NEK10: variants seen among roughly 807,000 people sequenced by gnomAD.
NEK10 encodes the protein serine/threonine-protein kinase Nek10.
A neutral mutation model predicts 159.8 loss-of-function variants in NEK10; 122 were observed. The ratio of observed to expected loss-of-function variants is 0.76; its 90% confidence interval spans 0.66 to 0.89. NEK10 has a LOEUF of 0.89. Ranked by LOEUF, NEK10 falls within the 40% of genes least tolerant of loss-of-function variation. NEK10 has a pLI of 0.00. For synonymous variants in NEK10, 466 were observed against 457.1 expected (o/e 1.02, Z -0.25); for missense variants, 1,342 against 1,323.1 (o/e 1.01, Z -0.22).
At chr3:27,273,449 T>C (rs1469464758) in intron 22 of NEK10, among the ~76,000 whole-genome samples, 1 of 152,178 alleles carries the variant, frequency 6.6e-6, no homozygotes, top group African/African-American at 2.4e-5. Context: ...TTTAAGCAAG[T>C]TTTCTAAACT....
At chr3:27,164,716 A>T (rs573035532) in intron 29 of NEK10, among the ~76,000 whole-genome samples, 1 of 152,118 alleles carries the variant, frequency 6.6e-6, no homozygotes, top group Non-Finnish European at 1.5e-5. Flanking sequence ...CATTTATTAC[A>T]TTCATGCCAT....
intron 28 of NEK10, among the ~76,000 whole-genome samples, chr3:27,173,295 T>G (rs1261611163): frequency 6.6e-6 from 1 of 152,198 alleles, no homozygotes; most frequent in Non-Finnish European, 1.5e-5. Flanking sequence ...GTCAAGCATC[T>G]CTTTCCTACC....
chr3:27,214,549 C>T (rs78586245), intron 23 of NEK10, among the ~76,000 whole-genome samples: 11 of 141,564 alleles, frequency 7.8e-5, no homozygotes, highest in African/African-American at 1.9e-4. Flanking sequence ...TACTTTCTTT[C>T]TTTTTTTTGT....
rs545004100 is a variant in NEK10 at position 27,282,307 on chromosome 3, A to G, written c.2014+2295T>C. Among the ~76,000 whole-genome samples the G allele has an allele frequency of 3.9e-5, 6 of 152,072 alleles. No homozygotes were observed. The East Asian group carries it at 9.6e-4, about 24-fold the overall frequency. The stretch of plus-strand genomic sequence containing the variant: ...GCTTTTTATTTTATAAACTATTTTG[A>G]TGCGTGATAATGATTAAAGAAAGTA... On this transcript the variant is annotated intron_variant, in intron 22 of 35. Coordinates refer to ENST00000691995, the MANE Select transcript of NEK10 (RefSeq NM_001394966.1).
intron 23 of NEK10, among the ~76,000 whole-genome samples, chr3:27,248,769 AC>A (rs1164022406): frequency 6.6e-6 from 1 of 152,096 alleles, no homozygotes; most frequent in East Asian, 1.9e-4. Flanking sequence ...TTGTTTTGTG[AC>A]CTAACATATG....
Position 27,201,623 on chromosome 3 carries a change from CG to C in NEK10, c.2221-44del, listed in dbSNP as rs758240792. On this transcript the variant is annotated intron_variant, in intron 24 of 35. Coordinates refer to ENST00000691995, the MANE Select transcript of NEK10 (RefSeq NM_001394966.1). ...TAGAGTGATGGAAGTAAAGGGGCCA[CG>C]GATGTCTTTGAATAGTTAATACTTG... 1.2e-5 allele frequency: 18 copies of C among 1,461,348 alleles called. No individual in the cohort carries two copies. In the African/African-American group the frequency reaches 2.5e-4, roughly 20 times the overall value. 90.5% of individuals were successfully genotyped at this position (1,461,348 alleles called of 1,614,324 possible).
chr3:27,187,117 C>A (rs1948691712), intron 26 of NEK10, among the ~76,000 whole-genome samples: 1 of 152,154 alleles, frequency 6.6e-6, no homozygotes, highest in Admixed American at 6.5e-5. Flanking sequence ...CCATGAGTTA[C>A]AGATGCCATA....
chr3:27,116,901 C>A (rs975693017), intron 33 of NEK10, among the ~76,000 whole-genome samples: 4 of 151,918 alleles, frequency 2.6e-5, no homozygotes, highest in Non-Finnish European at 5.9e-5. Context: ...TGGTTTGCTG[C>A]ACCTGTCAAC....
At chr3:27,345,833 T>C (rs975899094) in intron 4 of NEK10, among the ~76,000 whole-genome samples, 15 of 152,244 alleles carry the variant, frequency 9.9e-5, no homozygotes, top group Admixed American at 7.2e-4. Context: ...CACTTCCTCA[T>C]TGAGCAATGC....
intron 13 of NEK10, among the ~76,000 whole-genome samples, chr3:27,298,178 C>G (rs1353139001): frequency 6.6e-6 from 1 of 152,108 alleles, no homozygotes; most frequent in Non-Finnish European, 1.5e-5. Flanking sequence ...CCACCCAAAT[C>G]TCATCATGAA....
chr3:27,111,185 C>A lies in NEK10; in HGVS notation c.*87G>T. 2.3e-6 allele frequency: 3 copies of A among 1,300,710 alleles called. No individual in the cohort carries two copies. Among genetic ancestry groups the A allele is most frequent in the South Asian group, 1.2e-5 (1 of 80,060 alleles). The allele number at this position is 1,300,710 out of a possible 1,614,324, so 80.6% of individuals were successfully genotyped here. A position where few individuals can be genotyped will look rare whatever the true frequency, so the allele number is the denominator to read the frequency against. ...TCTTTTCCACACCCTCTAGCAGCAC[C>A]CAATCCTTGGGCATCTTGCAATAGC... On this transcript the variant is annotated 3_prime_UTR_variant, in exon 36 of 36. Transcript: ENST00000691995.
At chr3:27,194,181 A>G (rs767612583) in intron 25 of NEK10, 1 of 145,726 alleles carries the variant, frequency 6.9e-6, no homozygotes, top group African/African-American at 2.6e-5. Context: ...TCTGGAGTGC[A>G]GTGGCGCAGT....
chr3:27,353,719 A>G (rs2048133981), intron 1 of NEK10, among the ~76,000 whole-genome samples: 1 of 152,266 alleles, frequency 6.6e-6, no homozygotes, highest in Non-Finnish European at 1.5e-5. Context: ...CTTTCATTCA[A>G]CAAATATTTA....
At chr3:27,278,227 C>T (rs2041907194) in intron 22 of NEK10, among the ~76,000 whole-genome samples, 1 of 152,208 alleles carries the variant, frequency 6.6e-6, no homozygotes, top group African/African-American at 2.4e-5. Context: ...TTTCAGGTTA[C>T]TTATTACATG....
At chr3:27,276,771 T>C (rs1559411326) in intron 22 of NEK10, among the ~76,000 whole-genome samples, 1 of 152,158 alleles carries the variant, frequency 6.6e-6, no homozygotes, top group Non-Finnish European at 1.5e-5. Flanking sequence ...ACTGCTGAAT[T>C]GAGCCCCTTT....
Position 27,290,638 on chromosome 3 carries a change from T to C in NEK10, c.1722A>G (p.Glu574=). 1 of 1,597,988 alleles carries C rather than the reference T, an allele frequency of 6.3e-7. No individual in the cohort carries two copies. The highest frequency in any genetic ancestry group is 8.5e-7 in the Non-Finnish European group (1 of 1,173,316). ...TTACCTGCTCTTTAATTATTGTTAA[T>C]TCAGAAACAATATTCCTTACGCTGC... is the stretch of plus-strand genomic sequence containing the variant. ...RDSSVRNIVS[E]LTIIKEQLYH... is the part of the protein sequence containing the mutation. The change falls in exon 19 of 36, where the codon GAA becomes GAG. Residue 574 remains glutamate, a synonymous_variant. Coordinates refer to ENST00000691995, the MANE Select transcript of NEK10 (RefSeq NM_001394966.1).
rs549141134 is a variant in NEK10 at position 27,131,595 on chromosome 3, T to A, written c.3081+285A>T. Among the ~76,000 whole-genome samples the A allele has an allele frequency of 3.3e-5, 5 of 152,294 alleles. No homozygotes were observed. The East Asian group carries it at 9.7e-4, about 29-fold the overall frequency. On this transcript the variant is annotated intron_variant, in intron 32 of 35. Coordinates refer to ENST00000691995, the MANE Select transcript of NEK10 (RefSeq NM_001394966.1). ...TTCTAATAAAATATCAGAATATAAT[T>A]CTCTAGAAGAGGCTAAAATATACAC...
intron 22 of NEK10, among the ~76,000 whole-genome samples, chr3:27,258,811 T>G (rs1215703714): frequency 2.0e-5 from 3 of 151,806 alleles, no homozygotes; most frequent in African/African-American, 2.4e-5. Flanking sequence ...TCCACAATGG[T>G]TGAACTAGTT....
intron 31 of NEK10, among the ~76,000 whole-genome samples, chr3:27,136,751 T>C (rs891972210): frequency 2.0e-5 from 3 of 152,140 alleles, no homozygotes; most frequent in Non-Finnish European, 4.4e-5. Context: ...CCTTCTAAAA[T>C]AGTTGCTTTT....
Sources: gnomAD v4.1 joint callset for allele counts (sites outside exome capture counted in the v4.1 genomes callset) on GRCh38, gnomAD v4.1.1 for gene constraint, MANE v1.5 for transcripts, NCBI Gene and HGNC (gene_info 2026-07-23, HGNC 2026-07-21) for gene names.